The following SMG6 variants were observed in gnomAD, a reference collection of about 807,000 sequenced individuals.
SMG6 encodes telomerase-binding protein EST1A.
In SMG6, 66 loss-of-function variants were observed where a neutral mutation model predicts 142.2. The observed-to-expected ratio is 0.46, with a 90% CI of 0.38 to 0.57. The LOEUF is 0.57. Among genes scored for constraint, SMG6 ranks in the 20% least tolerant of loss-of-function variants. The pLI is 0.00. For synonymous variants in SMG6, 779 were observed against 702.4 expected, an observed-to-expected ratio of 1.11 and a Z score of -1.72; for missense variants, 1,793 against 1,832.0, an observed-to-expected ratio of 0.98 and a Z score of 0.39.
At chr17:2,150,874 A>T (rs1184583778) in intron 13 of SMG6, among the ~76,000 whole-genome samples, 1 of 151,750 alleles carries the variant, frequency 6.6e-6, no homozygotes, top group East Asian at 1.9e-4. Flanking sequence ...ATCTCACTTG[A>T]GTGTGAAGGA....
intron 5 of SMG6, 49 bp from the exon 6 acceptor site, chr17:2,292,679 T>TC (rs776446194): frequency 6.3e-7 from 1 of 1,596,128 alleles, no homozygotes; most frequent in East Asian, 2.2e-5. Flanking sequence ...ATTAGCTTTT[T>TC]CCCAATTCAT....
chr17:2,226,178 G>A (rs1232015639), intron 10 of SMG6, among the ~76,000 whole-genome samples: 2 of 151,968 alleles, frequency 1.3e-5, no homozygotes, highest in Non-Finnish European at 2.9e-5. Context: ...GGGAGGCTGA[G>A]GCAGAAGAAT....
rs925488228 is a variant in SMG6 at position 2,085,609 on chromosome 17, A to G, written c.3534+116T>C. On this transcript the variant is annotated intron_variant, in intron 14 of 18. Coordinates refer to ENST00000263073, the MANE Select transcript of SMG6 (RefSeq NM_017575.5). The surrounding 1 kb of genome is among the most constrained non-coding windows in gnomAD (Gnocchi z 4.1). ...CACTCTCGAGAAGCTGGCTGGTCAC[A>G]TTAACACAGACGCTGTTCTCTGTGC... 8 of 1,114,822 alleles carry G rather than the reference A, an allele frequency of 7.2e-6. No individual in the cohort carries two copies. The African/African-American group carries it at 1.3e-4, about 17-fold the overall frequency. 69.1% of individuals were successfully genotyped at this position (1,114,822 alleles called of 1,614,324 possible).
rs1051975899 is a variant in SMG6, at chr17:2,261,470, T to A, written c.2662-16751A>T. 9.7e-4 allele frequency among the ~76,000 whole-genome samples: 147 copies of A among 152,246 alleles called. 1 individual carries two copies. Among genetic ancestry groups the A allele is most frequent in the Admixed American group, 9.6e-3 (146 of 15,278 alleles). On this transcript the variant is annotated intron_variant, in intron 8 of 18. Coordinates refer to ENST00000263073, the MANE Select transcript of SMG6 (RefSeq NM_017575.5). ...ATTTTTGGAAGATTTCTTTTAACTC[T>A]GCAATAATTTTTTAAATTGCCACAA...
intron 17 of SMG6, 55 bp from the exon 18 acceptor site, chr17:2,065,209 A>T (rs2067905279): frequency 3.6e-6 from 5 of 1,379,280 alleles, no homozygotes; most frequent in South Asian, 2.4e-5. Flanking sequence ...CGCCATGTGG[A>T]GGAGGAGGAG....
At chr17:2,087,677 C>A (rs117232118) in intron 13 of SMG6, 3 of 989,018 alleles carry the variant, frequency 3.0e-6, no homozygotes, top group Non-Finnish European at 2.4e-6. Flanking sequence ...GGTTCCATTG[C>A]GTGTATTCAA....
chr17:2,302,890 T>TA lies in SMG6; in HGVS notation c.88+742dup, dbSNP rs150482245. The TA allele has an allele frequency of 1.6e-3, 1,368 of 849,050 alleles. 14 individuals carry two copies. The African/African-American group carries it at 0.022, about 14-fold the overall frequency. 52.6% of individuals were successfully genotyped at this position (849,050 alleles called of 1,614,324 possible). A position where few individuals can be genotyped will look rare whatever the true frequency, so the allele number is the denominator to read the frequency against. On this transcript the variant is annotated intron_variant, in intron 1 of 18. Coordinates refer to ENST00000263073, the MANE Select transcript of SMG6 (RefSeq NM_017575.5). ...AATAGCCTTAATAATCCAATTATGT[T>TA]AATCAACAAAAACCAATTTCACAGA... is the stretch of plus-strand genomic sequence containing the variant.
intron 8 of SMG6, among the ~76,000 whole-genome samples, chr17:2,267,309 T>C (rs1021144911): frequency 6.6e-6 from 1 of 151,916 alleles, no homozygotes; most frequent in Non-Finnish European, 1.5e-5. Context: ...GACCAGAGTA[T>C]TCTCCCACCT....
At chr17:2,271,210 C>A (rs1054770748) in intron 8 of SMG6, among the ~76,000 whole-genome samples, 12 of 151,098 alleles carry the variant, frequency 7.9e-5, no homozygotes, top group African/African-American at 2.9e-4. Context: ...TGCCTCCCAG[C>A]ATCCCGAGTA....
Position 2,068,970 on chromosome 17 carries a change from A to G in SMG6, c.3682-39T>C. On this transcript the variant is annotated intron_variant, in intron 15 of 18. Coordinates refer to ENST00000263073, the MANE Select transcript of SMG6 (RefSeq NM_017575.5). The surrounding 1 kb of genome is among the most constrained non-coding windows in gnomAD (Gnocchi z 6.7). ...GTGGTGAATGAGCCAGACAGCGAGCAGGCAAGCAGGTGGGTGAGCCAGGGC... is the reference window on the plus strand; with the variant it reads ...GTGGTGAATGAGCCAGACAGCGAGCGGGCAAGCAGGTGGGTGAGCCAGGGC... The G allele has an allele frequency of 6.2e-7, 1 of 1,606,334 alleles. No homozygotes were observed. The highest frequency in any genetic ancestry group is 8.5e-7 in the Non-Finnish European group (1 of 1,174,750).
rs1400890828 is a variant in SMG6 at position 2,257,658 on chromosome 17, G to C, written c.2662-12939C>G. Among the ~76,000 whole-genome samples the C allele has an allele frequency of 2.0e-5, 3 of 151,950 alleles. No homozygotes were observed. In the East Asian group the frequency reaches 5.8e-4, roughly 29 times the overall value. On this transcript the variant is annotated intron_variant, in intron 8 of 18. Coordinates refer to ENST00000263073, the MANE Select transcript of SMG6 (RefSeq NM_017575.5). ...TCCTTCTGCTCCTTAAATGTGATGA[G>C]TATGCTCCCAACTCGGGCCTTTGTA...
intron 13 of SMG6, among the ~76,000 whole-genome samples, chr17:2,162,375 G>T (rs747688380): frequency 6.6e-6 from 1 of 151,956 alleles, no homozygotes; most frequent in Non-Finnish European, 1.5e-5. Flanking sequence ...TTAGCCAGGC[G>T]TGGTGGTGGG....
chr17:2,173,371 C>T (rs1230840621), intron 12 of SMG6, among the ~76,000 whole-genome samples: 1 of 152,298 alleles, frequency 6.6e-6, no homozygotes, highest in East Asian at 1.9e-4. Context: ...GAAATCTCTT[C>T]CCTATATATA....
intron 10 of SMG6, among the ~76,000 whole-genome samples, chr17:2,202,821 T>C (rs987140010): frequency 6.6e-6 from 1 of 152,198 alleles, no homozygotes; most frequent in Non-Finnish European, 1.5e-5. Flanking sequence ...GTCATCAAGG[T>C]CACACAGCTG....
At chr17:2,286,429 G>A (rs981579509) in intron 6 of SMG6, among the ~76,000 whole-genome samples, 1 of 151,498 alleles carries the variant, frequency 6.6e-6, no homozygotes. Context: ...ATCAATGGAA[G>A]AAAACTGAGA....
At chr17:2,064,368 G>A (rs1012968777) in intron 18 of SMG6, among the ~76,000 whole-genome samples, 12 of 152,092 alleles carry the variant, frequency 7.9e-5, no homozygotes. Context: ...CAGGGTTGAG[G>A]GTGAGGTGGT....
intron 10 of SMG6, among the ~76,000 whole-genome samples, chr17:2,222,741 G>A (rs191997930): frequency 1.1e-4 from 16 of 152,214 alleles, no homozygotes; most frequent in Non-Finnish European, 2.1e-4. Flanking sequence ...GACCACTTAG[G>A]AGTTTCAAGA....
Position 2,299,616 on chromosome 17 carries a change from G to T in SMG6, c.1137C>A (p.Asp379Glu), listed in dbSNP as rs760324009. 6.2e-7 allele frequency: 1 copy of T among 1,614,180 alleles called. No homozygotes were observed. Among genetic ancestry groups the T allele is most frequent in the Non-Finnish European group, 8.5e-7 (1 of 1,180,034 alleles). ...CTTTGCCCCCACTGCTCAAGCCTTTGTCAGGCTTTCCTCTATCCATATCAT... is the reference window on the plus strand; with the variant it reads ...CTTTGCCCCCACTGCTCAAGCCTTTTTCAGGCTTTCCTCTATCCATATCAT... The part of the protein sequence containing the change: ...ARDDMDRGKP[D>E]KGLSSGGKGS... Residue 379 changes from aspartate to glutamate, a missense_variant, in exon 2 of 19, where the codon GAC becomes GAA. Asp to Glu is a conservative substitution (Grantham distance 45). Coordinates refer to ENST00000263073, the MANE Select transcript of SMG6 (RefSeq NM_017575.5). The surrounding 1 kb of genome is among the most constrained non-coding windows in gnomAD (Gnocchi z 4.3).
rs557912786 is a variant in SMG6 at position 2,283,528 on chromosome 17, T to C, written c.2448+97A>G. The C allele has an allele frequency of 3.1e-6, 3 of 957,712 alleles. No homozygotes were observed. The East Asian group carries it at 7.2e-5, about 23-fold the overall frequency. 59.3% of individuals were successfully genotyped at this position (957,712 alleles called of 1,614,324 possible). On this transcript the variant is annotated intron_variant, in intron 7 of 18. Transcript: ENST00000263073. ...TAACTGCACCTTGGATAAACCTCAC[T>C]GGCTACGATCCTGCCGGTGCGCAGA...
Sources: gnomAD v4.1 joint callset for allele counts (sites outside exome capture counted in the v4.1 genomes callset) on GRCh38, gnomAD v4.1.1 for gene constraint, Gnocchi (gnomAD v3.1) non-coding constraint, MANE v1.5 for transcripts, NCBI Gene and HGNC (gene_info 2026-07-23, HGNC 2026-07-21) for gene names.